ITPR2: variants seen among roughly 807,000 people sequenced by gnomAD.
The protein encoded by ITPR2 is inositol 1,4,5-trisphosphate receptor type 2.
ITPR2 carries 207 observed loss-of-function variants against 317.1 expected under a neutral mutation model. The observed-to-expected ratio is 0.65, with a 90% CI of 0.58 to 0.73. The LOEUF (loss-of-function observed/expected upper bound fraction) is 0.73, where lower values mean the gene tolerates loss of function less well. ITPR2 is among the 30% of genes least tolerant of loss of function. The pLI is 0.00. For synonymous variants in ITPR2, 1,156 were observed against 1,149.1 expected (o/e 1.01, Z -0.12); for missense variants, 2,613 against 3,284.0 (o/e 0.80, Z 4.99).
chr12:26,483,898 T>C lies in ITPR2; in HGVS notation c.5812A>G (p.Asn1938Asp), dbSNP rs1285492337. 1 of 1,613,518 alleles carries C rather than the reference T, an allele frequency of 6.2e-7. No individual in the cohort carries two copies. The highest frequency in any genetic ancestry group is 1.1e-5 in the South Asian group (1 of 91,060). ...LCENHNRELQ[N>D]FLRNQNNKTN... Reference sequence around the variant, plus strand: ...TTGTTGTTTTGATTCCTCAAGAAGTTCTGAAGGCAAAAGAAAATAAAATTG... The same window carrying C: ...TTGTTGTTTTGATTCCTCAAGAAGTCCTGAAGGCAAAAGAAAATAAAATTG... Residue 1938 changes from asparagine (N) to aspartate (D), a missense_variant and splice_region_variant, in exon 42 of 57, where the codon AAC becomes GAC. Asn to Asp is a conservative substitution (Grantham distance 23). Coordinates refer to ENST00000381340, the MANE Select transcript of ITPR2 (RefSeq NM_002223.4).
At chr12:26,661,736 A>G (rs2136917060) in intron 15 of ITPR2, among the ~76,000 whole-genome samples, 1 of 152,316 alleles carries the variant, frequency 6.6e-6, no homozygotes, top group Admixed American at 6.5e-5. Context: ...AAACCCAAGA[A>G]GAAAAACCAG....
At chr12:26,448,312 G>A (rs1941659607) in intron 45 of ITPR2, among the ~76,000 whole-genome samples, 1 of 151,614 alleles carries the variant, frequency 6.6e-6, no homozygotes, top group South Asian at 2.1e-4. Context: ...CAATATTAAT[G>A]ATAATGAGAG....
At chr12:26,585,565 C>G (rs1243460489) in intron 32 of ITPR2, among the ~76,000 whole-genome samples, 1 of 151,982 alleles carries the variant, frequency 6.6e-6, no homozygotes, top group Admixed American at 6.6e-5. Context: ...CCACAACACC[C>G]GACTAATTTT....
At chr12:26,804,824 C>T (rs1565779049) in intron 1 of ITPR2, among the ~76,000 whole-genome samples, 3 of 152,110 alleles carry the variant, frequency 2.0e-5, no homozygotes. Flanking sequence ...CAACCTTGAC[C>T]TCCCTGTTCA....
At chr12:26,713,281 G>C (rs1948682184) in intron 8 of ITPR2, among the ~76,000 whole-genome samples, 1 of 152,096 alleles carries the variant, frequency 6.6e-6, no homozygotes, top group Non-Finnish European at 1.5e-5. Context: ...CCTCTTCCTT[G>C]AAACACCTGA....
chr12:26,631,560 A>T (rs1014462520), intron 22 of ITPR2, among the ~76,000 whole-genome samples: 1 of 152,364 alleles, frequency 6.6e-6, no homozygotes, highest in East Asian at 1.9e-4. Flanking sequence ...AAATGAAGGT[A>T]AAGTTCCATC....
intron 1 of ITPR2, among the ~76,000 whole-genome samples, chr12:26,820,106 T>G (rs1950917031): frequency 6.6e-6 from 1 of 152,100 alleles, no homozygotes; most frequent in Non-Finnish European, 1.5e-5. Flanking sequence ...CATTACTTTT[T>G]CAGAGTGTAA....
At chr12:26,437,334 GT>G (rs1941379301) in intron 47 of ITPR2, among the ~76,000 whole-genome samples, 1 of 152,198 alleles carries the variant, frequency 6.6e-6, no homozygotes, top group South Asian at 2.1e-4. Flanking sequence ...TTTCAACCTA[GT>G]GCCTATTGCC....
chr12:26,663,901 T>C, intron 14 of ITPR2, 55 bp from the exon 15 acceptor site: 4 of 1,424,838 alleles, frequency 2.8e-6, no homozygotes, highest in South Asian at 1.4e-5. Context: ...TTTGCAACCT[T>C]TTTTTTTTAA....
At chr12:26,676,370 G>A (rs1242825409) in intron 13 of ITPR2, among the ~76,000 whole-genome samples, 3 of 149,830 alleles carry the variant, frequency 2.0e-5, no homozygotes, top group East Asian at 2.0e-4. Context: ...CCAACTACTC[G>A]GGAGGCTGAG....
intron 45 of ITPR2, among the ~76,000 whole-genome samples, chr12:26,460,945 C>T (rs1036796543): frequency 6.6e-6 from 1 of 152,166 alleles, no homozygotes; most frequent in Non-Finnish European, 1.5e-5. Flanking sequence ...CTATTCTACT[C>T]GATTCATCCA....
intron 2 of ITPR2, among the ~76,000 whole-genome samples, chr12:26,770,342 AC>A (rs1949817299): frequency 6.6e-6 from 1 of 151,956 alleles, no homozygotes; most frequent in Admixed American, 6.6e-5. Flanking sequence ...GCTTCTAACT[AC>A]CCCCACAAAC....
chr12:26,653,654 AT>A (rs775546739), intron 21 of ITPR2, among the ~76,000 whole-genome samples: 2 of 152,238 alleles, frequency 1.3e-5, no homozygotes, highest in Non-Finnish European at 2.9e-5. Flanking sequence ...AGGCAGGAGA[AT>A]TGCTTGAACC....
At chr12:26,355,611 G>A (rs548957613) in intron 55 of ITPR2, among the ~76,000 whole-genome samples, 5 of 152,244 alleles carry the variant, frequency 3.3e-5, no homozygotes, top group Admixed American at 6.5e-5. Flanking sequence ...GTCCGTACTG[G>A]CCACTCCCAT....
rs151091440 is a variant in ITPR2, at chr12:26,527,332, T to C, written c.5073+22915A>G. 2.8e-3 allele frequency among the ~76,000 whole-genome samples: 420 copies of C among 152,348 alleles called. 2 individuals carry two copies. The highest frequency in any genetic ancestry group is 9.1e-3 in the African/African-American group (377 of 41,578). On this transcript the variant is annotated intron_variant, in intron 37 of 56. Coordinates refer to ENST00000381340, the MANE Select transcript of ITPR2 (RefSeq NM_002223.4). ...TTGGCATTGCACTTTGTAGGAAGAA[T>C]GCCTTTGAGAAATGTTTGCTGTTGT...
chr12:26,597,225 A>T, intron 30 of ITPR2, 91 bp from the exon 31 acceptor site: 1 of 1,348,644 alleles, frequency 7.4e-7, no homozygotes, highest in Non-Finnish European at 1.0e-6. Context: ...AAACACGTAT[A>T]TCTCTTCGTA....
intron 52 of ITPR2, among the ~76,000 whole-genome samples, chr12:26,408,834 G>A (rs1940444025): frequency 6.6e-6 from 1 of 152,150 alleles, no homozygotes; most frequent in African/African-American, 2.4e-5. Context: ...TAGGGCCACT[G>A]ATACTTGGAA....
At chr12:26,632,701 T>C (rs1429279655) in intron 21 of ITPR2, among the ~76,000 whole-genome samples, 1 of 152,194 alleles carries the variant, frequency 6.6e-6, no homozygotes, top group African/African-American at 2.4e-5. Flanking sequence ...AAAGCAATAA[T>C]GTTTGAGGTG....
Position 26,337,930 on chromosome 12 carries a change from G to C in ITPR2, c.*1467C>G, listed in dbSNP as rs955187540. 26 of 152,196 alleles carry C rather than the reference G, an allele frequency of 1.7e-4. No individual in the cohort carries two copies. Among genetic ancestry groups the C allele is most frequent in the African/African-American group, 6.3e-4 (26 of 41,448 alleles). 9.4% of individuals were successfully genotyped at this position (152,196 alleles called of 1,614,324 possible). Reference sequence around the variant, plus strand: ...GATTTGGGATTTTTAGGAACCAATAGCTTAAGCTATGTTAGAACAATCCAA... The same window carrying C: ...GATTTGGGATTTTTAGGAACCAATACCTTAAGCTATGTTAGAACAATCCAA... On this transcript the variant is annotated 3_prime_UTR_variant, in exon 57 of 57. Coordinates refer to ENST00000381340, the MANE Select transcript of ITPR2 (RefSeq NM_002223.4).
Sources: allele counts gnomAD v4.1 joint callset (sites outside exome capture counted in the v4.1 genomes callset), GRCh38; gene constraint gnomAD v4.1.1; transcripts MANE v1.5; gene names NCBI Gene and HGNC (gene_info 2026-07-23, HGNC 2026-07-21).